DNAH3: variants seen among roughly 807,000 people sequenced by gnomAD.
DNAH3 encodes axonemal beta dynein heavy chain 3.
DNAH3 carries 332 observed loss-of-function variants against 432.5 expected under a neutral mutation model. The observed-to-expected ratio is 0.77, with a 90% confidence interval of 0.70 to 0.84. DNAH3 has a LOEUF of 0.84. Ranked by LOEUF, DNAH3 falls within the 40% of genes least tolerant of loss-of-function variation. DNAH3 has a pLI of 0.00. For synonymous variants in DNAH3, 1,956 were observed against 1,900.2 expected, an observed-to-expected ratio of 1.03 and a Z score of -0.76; for missense variants, 4,861 against 5,114.0, an observed-to-expected ratio of 0.95 and a Z score of 1.51.
chr16:20,954,193 A>G (rs2084448477), intron 55 of DNAH3, among the ~76,000 whole-genome samples: 1 of 142,722 alleles, frequency 7.0e-6, no homozygotes, highest in Non-Finnish European at 1.5e-5. Context: ...ACCACACTCC[A>G]GCGTGGGTGA....
chr16:21,086,106 T>C (rs1217248534), intron 19 of DNAH3, among the ~76,000 whole-genome samples: 1 of 152,124 alleles, frequency 6.6e-6, no homozygotes, highest in Non-Finnish European at 1.5e-5. Flanking sequence ...CAGAGAAGAA[T>C]CTTCCCAAAG....
intron 5 of DNAH3, among the ~76,000 whole-genome samples, chr16:21,139,591 C>T (rs1376967746): frequency 6.6e-6 from 1 of 151,634 alleles, no homozygotes; most frequent in Non-Finnish European, 1.5e-5. Flanking sequence ...ATCCTCCCAC[C>T]TCAGCCTCCC....
chr16:21,122,166 C>A (rs1266309094), intron 9 of DNAH3, 42 bp from the exon 11 acceptor site: 12 of 1,544,852 alleles, frequency 7.8e-6, no homozygotes, highest in South Asian at 6.1e-5. Context: ...CAAAATTGGG[C>A]CTTCCAAAAT....
chr16:21,103,059 T>A (rs973691559), intron 16 of DNAH3, among the ~76,000 whole-genome samples: 2 of 151,868 alleles, frequency 1.3e-5, no homozygotes, highest in African/African-American at 4.8e-5. Flanking sequence ...GTGAAGTAAC[T>A]CAGGAATGGA....
intron 39 of DNAH3, among the ~76,000 whole-genome samples, chr16:21,024,171 AGGTG>A (rs2088412232): frequency 6.6e-6 from 1 of 152,156 alleles, no homozygotes; most frequent in African/African-American, 2.4e-5. Context: ...AGCTCCCTCA[AGGTG>A]GGAGGTGCAG....
intron 35 of DNAH3, among the ~76,000 whole-genome samples, chr16:21,035,985 C>T (rs1391961031): frequency 6.6e-6 from 1 of 152,154 alleles, no homozygotes; most frequent in Non-Finnish European, 1.5e-5. Context: ...GCACTTTACA[C>T]ACCTCTTCTC....
chr16:21,135,892 A>T (rs985278274), intron 6 of DNAH3, among the ~76,000 whole-genome samples: 44 of 151,312 alleles, frequency 2.9e-4, no homozygotes, highest in Non-Finnish European at 1.0e-4. Context: ...AAAAAAAAAA[A>T]TTGTTTTAAA....
intron 41 of DNAH3, among the ~76,000 whole-genome samples, chr16:21,018,018 T>C (rs1279449251): frequency 6.6e-6 from 1 of 151,798 alleles, no homozygotes; most frequent in Non-Finnish European, 1.5e-5. Context: ...AAATTCAAAA[T>C]TAATTTTAAG....
intron 50 of DNAH3, among the ~76,000 whole-genome samples, chr16:20,978,691 A>C (rs2085712677): frequency 2.6e-5 from 4 of 152,090 alleles, no homozygotes. Flanking sequence ...ATGTCACTGC[A>C]CTTGGCTAAT....
intron 19 of DNAH3, among the ~76,000 whole-genome samples, chr16:21,084,049 T>C (rs13337927): frequency 0.17 from 25,411 of 151,790 alleles, 2,472 homozygotes; most frequent in African/African-American, 0.26. Context: ...TTTTTGCCTT[T>C]TTGACTTTTC....
intron 18 of DNAH3, among the ~76,000 whole-genome samples, chr16:21,092,422 C>T (rs1476614953): frequency 6.6e-6 from 1 of 151,814 alleles, no homozygotes; most frequent in African/African-American, 2.4e-5. Flanking sequence ...TATATACACA[C>T]ACAAAAAAAG....
At chr16:20,953,366 C>T (rs2084404984) in intron 55 of DNAH3, among the ~76,000 whole-genome samples, 2 of 152,116 alleles carry the variant, frequency 1.3e-5, no homozygotes, top group South Asian at 4.1e-4. Flanking sequence ...GCCATGTTGG[C>T]CAGGCTGGTC....
At chr16:21,098,515 T>A in intron 17 of DNAH3, 101 bp downstream of exon 17, 1 of 1,131,616 alleles carries the variant, frequency 8.8e-7, no homozygotes. Context: ...ACCAATACTA[T>A]CCACCTAGTA....
At chr16:21,068,186 C>T (rs562988394) in intron 23 of DNAH3, among the ~76,000 whole-genome samples, 121 of 152,294 alleles carry the variant, frequency 7.9e-4, no homozygotes, top group African/African-American at 2.8e-3. Context: ...CCTCTAGGTG[C>T]CTTGCACGCC....
intron 7 of DNAH3, 124 bp downstream of exon 8, chr16:21,134,135 A>ATT: frequency 1.0e-6 from 1 of 980,872 alleles, no homozygotes; most frequent in Non-Finnish European, 1.5e-6. Flanking sequence ...TTTGGCCTAG[A>ATT]TTTTTTTTTC....
chr16:20,987,740 A>C, exon 46 of DNAH3: 1 of 1,614,164 alleles, frequency 6.2e-7, no homozygotes, highest in African/African-American at 1.3e-5. Flanking sequence ...ATCACTCGTG[A>C]GAAGTCCCGC....
At chr16:21,146,205 TAAAAC>T in intron 1 of DNAH3, 117 bp from the exon 3 acceptor site, 1 of 639,846 alleles carries the variant, frequency 1.6e-6, no homozygotes, top group Non-Finnish European at 2.8e-6. Flanking sequence ...GTTCTGGACC[TAAAAC>T]AAAACACTCC....
chr16:20,963,323 AAGGC>A lies in DNAH3; in HGVS notation c.10557_10560del (p.Pro3520Ter), dbSNP rs1347413856. The A allele has an allele frequency of 6.2e-7, 1 of 1,614,076 alleles. No individual in the cohort carries two copies. Reference sequence around the variant, plus strand: ...GCACTTGGAGACAACACAAAAATCAAAGGCGCACAGCAGCTGGAATCATTGTAGG... The same window carrying A: ...GCACTTGGAGACAACACAAAAATCAAGCACAGCAGCTGGAATCATTGTAGG... On this transcript the variant is annotated frameshift_variant, in exon 53 of 62. Coordinates refer to ENST00000261383, the Ensembl canonical transcript of DNAH3. LOFTEE classifies it high-confidence loss of function.
chr16:21,159,208 T>A, intron 1 of DNAH3: 2 of 982,902 alleles, frequency 2.0e-6, no homozygotes, highest in South Asian at 1.3e-5. Context: ...TGCAGAGAGA[T>A]CTGCAAGTAT....
Sources: allele counts gnomAD v4.1 joint callset (sites outside exome capture counted in the v4.1 genomes callset), GRCh38; gene constraint gnomAD v4.1.1; transcripts MANE v1.5; gene names NCBI Gene and HGNC (gene_info 2026-07-23, HGNC 2026-07-21).